TBC1D8: variants seen among roughly 807,000 people sequenced by gnomAD.
TBC1D8 encodes TBC1 domain family member 8.
In TBC1D8, 65 loss-of-function variants were observed where a neutral mutation model predicts 118.8. The observed-to-expected ratio is 0.55, with a 90% CI of 0.45 to 0.67. The LOEUF (loss-of-function observed/expected upper bound fraction) is 0.67, where lower values mean the gene tolerates loss of function less well. Among genes scored for constraint, TBC1D8 ranks in the 30% least tolerant of loss-of-function variants. TBC1D8 has a pLI of 0.00. For synonymous variants in TBC1D8, 566 were observed against 595.8 expected (o/e 0.95, Z 0.73); for missense variants, 1,376 against 1,471.2 (o/e 0.94, Z 1.06).
At position 101,141,003 on chromosome 2, in the gene TBC1D8, C is replaced by T. The variant is rs541241642; in HGVS notation, c.127+10124G>A. Among the ~76,000 whole-genome samples the T allele has an allele frequency of 2.6e-5, 4 of 152,142 alleles. No homozygotes were observed. In the East Asian group the frequency reaches 7.8e-4, roughly 30 times the overall value. On this transcript the variant is annotated intron_variant, in intron 1 of 19. Coordinates refer to ENST00000409318, the MANE Select transcript of TBC1D8 (RefSeq NM_001330348.2). ...TCTCAAACCTCCGACCTCAGGTGAT[C>T]CACCCACCTCAGCCTCCCGAAGTGC... is the stretch of plus-strand genomic sequence containing the variant.
chr2:101,029,798 G>A, intron 11 of TBC1D8, 22 bp from the exon 12 acceptor site: 1 of 1,607,800 alleles, frequency 6.2e-7, no homozygotes, highest in Non-Finnish European at 8.5e-7. Context: ...AGGGCACAGG[G>A]CTCTGGCTGG....
At chr2:101,078,878 T>G (rs1267400890) in intron 2 of TBC1D8, among the ~76,000 whole-genome samples, 2 of 152,082 alleles carry the variant, frequency 1.3e-5, no homozygotes, top group Non-Finnish European at 2.9e-5. Flanking sequence ...CTGAATTTCC[T>G]TATTATTTTT....
chr2:101,033,534 C>T lies in TBC1D8; in HGVS notation c.1818+10G>A, dbSNP rs1396174144. 6.2e-7 allele frequency: 1 copy of T among 1,613,744 alleles called. No homozygotes were observed. Among genetic ancestry groups the T allele is most frequent in the Non-Finnish European group, 8.5e-7 (1 of 1,179,862 alleles). Reference sequence around the variant, plus strand: ...AAGACTCTCTGCGCCCCAGAGCACACCCCTTTCACCTGGCAGTATCCAATC... The same window carrying T: ...AAGACTCTCTGCGCCCCAGAGCACATCCCTTTCACCTGGCAGTATCCAATC... On this transcript the variant is annotated intron_variant, in intron 10 of 19. Coordinates refer to ENST00000409318, the MANE Select transcript of TBC1D8 (RefSeq NM_001330348.2).
rs1573839414 is a variant in TBC1D8 at position 101,007,264 on chromosome 2, C to CCAA, written c.*554_*556dup. 1 of 152,144 alleles carries CCAA rather than the reference C, an allele frequency of 6.6e-6. No homozygotes were observed. The highest frequency in any genetic ancestry group is 2.4e-5 in the African/African-American group (1 of 41,408). 9.4% of individuals were successfully genotyped at this position (152,144 alleles called of 1,614,324 possible). ...AGTTTCTTATTAAAAAACTTGGAAG[C>CCAA]CAACATTGAAAGCATGGTTTGTACA... On this transcript the variant is annotated 3_prime_UTR_variant, in exon 20 of 20. Coordinates refer to ENST00000409318, the MANE Select transcript of TBC1D8 (RefSeq NM_001330348.2).
Position 101,029,818 on chromosome 2 carries a change from C to A in TBC1D8, c.1937-42G>T, listed in dbSNP as rs367786314. ...ACAGGGCTCTGGCTGGGGTAGGACT[C>A]ACTCTCTAAGGTCAGTCTGAAATTA... On this transcript the variant is annotated intron_variant, in intron 11 of 19. Coordinates refer to ENST00000409318, the MANE Select transcript of TBC1D8 (RefSeq NM_001330348.2). 3.6e-4 allele frequency: 574 copies of A among 1,589,432 alleles called. 2 individuals are homozygous for A. Among genetic ancestry groups the A allele is most frequent in the Middle Eastern group, 1.3e-3 (8 of 5,956 alleles).
At chr2:101,039,181 C>A (rs145458315) in intron 6 of TBC1D8, among the ~76,000 whole-genome samples, 10 of 152,318 alleles carry the variant, frequency 6.6e-5, no homozygotes, top group African/African-American at 2.4e-4. Flanking sequence ...CTTAATGCCA[C>A]TGAGCCATAC....
intron 1 of TBC1D8, among the ~76,000 whole-genome samples, chr2:101,133,004 T>G (rs1424246132): frequency 6.6e-6 from 1 of 151,774 alleles, no homozygotes; most frequent in Admixed American, 6.6e-5. Context: ...AAAATGTACA[T>G]CTCAAATTAG....
chr2:101,079,067 G>C (rs1365010226), intron 2 of TBC1D8, among the ~76,000 whole-genome samples: 1 of 152,156 alleles, frequency 6.6e-6, no homozygotes, highest in African/African-American at 2.4e-5. Flanking sequence ...GGCCAAGAAG[G>C]AGAGCTCCAG....
chr2:101,047,003 A>G (rs1681750296), intron 5 of TBC1D8, among the ~76,000 whole-genome samples: 1 of 151,766 alleles, frequency 6.6e-6, no homozygotes, highest in Non-Finnish European at 1.5e-5. Context: ...TTTTCACCCC[A>G]CCATTCCCAA....
chr2:101,022,387 G>C lies in TBC1D8; in HGVS notation c.2655C>G (p.Pro885=), dbSNP rs1558626857. Residue 885 remains proline, a synonymous_variant, in exon 16 of 20, where the codon CCC becomes CCG. Coordinates refer to ENST00000409318, the MANE Select transcript of TBC1D8 (RefSeq NM_001330348.2). ...TCTCCGTGTGGGCCCCGCAGGTCCA[G>C]GGCGAGACTAGCTGAAACAGGTGTG... is the stretch of plus-strand genomic sequence containing the variant. ...QFAHLFQLVS[P]WTCGAHTEIL... 1 of 1,613,454 alleles carries C rather than the reference G, an allele frequency of 6.2e-7. No homozygotes were observed.
chr2:101,048,294 T>C (rs1310721324), intron 5 of TBC1D8, among the ~76,000 whole-genome samples: 1 of 152,196 alleles, frequency 6.6e-6, no homozygotes, highest in Non-Finnish European at 1.5e-5. Context: ...CAGGAGGGCA[T>C]GGCACACACT....
chr2:101,115,352 C>G (rs1677775929), intron 1 of TBC1D8, among the ~76,000 whole-genome samples: 1 of 152,238 alleles, frequency 6.6e-6, no homozygotes, highest in African/African-American at 2.4e-5. Context: ...TTTACTTCCT[C>G]AGACTCATGG....
intron 14 of TBC1D8, among the ~76,000 whole-genome samples, chr2:101,027,717 G>A (rs1039380711): frequency 2.0e-5 from 3 of 152,218 alleles, no homozygotes; most frequent in Admixed American, 1.3e-4. Flanking sequence ...CAGAGAAACA[G>A]CATGAGCAGG....
chr2:101,103,424 C>T (rs1309616225), intron 1 of TBC1D8, among the ~76,000 whole-genome samples: 1 of 147,366 alleles, frequency 6.8e-6, no homozygotes, highest in Non-Finnish European at 1.5e-5. Flanking sequence ...CAGAGTCTCA[C>T]TCTGCTGCCT....
At chr2:101,098,261 A>G (rs10084339) in intron 1 of TBC1D8, among the ~76,000 whole-genome samples, 76,203 of 151,790 alleles carry the variant, frequency 0.5, 19,315 homozygotes, top group East Asian at 0.62. Context: ...GTGTGGTGGC[A>G]GGGGCTACTC....
chr2:101,144,370 G>A (rs954407433), intron 1 of TBC1D8, among the ~76,000 whole-genome samples: 1 of 152,058 alleles, frequency 6.6e-6, no homozygotes, highest in Non-Finnish European at 1.5e-5. Flanking sequence ...AGCCCCAAAG[G>A]TTCACAAGAA....
At chr2:101,144,544 T>C (rs1475441922) in intron 1 of TBC1D8, among the ~76,000 whole-genome samples, 2 of 152,146 alleles carry the variant, frequency 1.3e-5, no homozygotes, top group East Asian at 1.9e-4. Flanking sequence ...GTGATTAAAA[T>C]AGGCTCACGG....
rs1681190537 is a variant in TBC1D8 at position 101,038,666 on chromosome 2, G to A, written c.1081-11C>T. 1.2e-6 allele frequency: 2 copies of A among 1,613,466 alleles called. No individual in the cohort carries two copies. Among genetic ancestry groups the A allele is most frequent in the Non-Finnish European group, 8.5e-7 (1 of 1,179,774 alleles). On this transcript the variant is annotated splice_polypyrimidine_tract_variant and intron_variant, in intron 6 of 19. Transcript: ENST00000409318. ...CTCGATGCTCACCACCTGCGCGAGA[G>A]GCAACATGCAGGGACAGAAGGGCGG... is the stretch of plus-strand genomic sequence containing the variant.
At position 101,151,205 on chromosome 2, in the gene TBC1D8, A is replaced by T; in HGVS notation, c.49T>A (p.Trp17Arg). Residue 17 changes from tryptophan (W) to arginine (R), a missense_variant, in exon 1 of 20, where the codon TGG becomes AGG. By Grantham distance (101) the Trp-to-Arg change is moderately radical. Transcript: ENST00000409318. ...EVLLKNALKL[W>R]VTQKSSCYFI... ...TAGCAGCTGCTCTTCTGGGTCACCC[A>T]GAGCTTCAGCGCGTTCTTCAGCAGC... The T allele has an allele frequency of 8.0e-7, 1 of 1,257,366 alleles. No homozygotes were observed. 77.9% of individuals were successfully genotyped at this position (1,257,366 alleles called of 1,614,324 possible).
Sources: allele counts gnomAD v4.1 joint callset (sites outside exome capture counted in the v4.1 genomes callset), GRCh38; gene constraint gnomAD v4.1.1; transcripts MANE v1.5; gene names NCBI Gene and HGNC (gene_info 2026-07-23, HGNC 2026-07-21).